CACNA2D3: variants seen among roughly 807,000 people sequenced by gnomAD.
CACNA2D3 encodes the protein voltage-dependent calcium channel subunit alpha-2/delta-3.
A neutral mutation model predicts 160.6 loss-of-function variants in CACNA2D3; 60 were observed. The ratio of observed to expected loss-of-function variants is 0.37; its 90% CI spans 0.30 to 0.46. The LOEUF (loss-of-function observed/expected upper bound fraction) is 0.46. Ranked by LOEUF, CACNA2D3 falls within the 20% of genes least tolerant of loss-of-function variation. The pLI, the probability that CACNA2D3 is intolerant of heterozygous loss-of-function variation, is 1.00. For synonymous variants in CACNA2D3, 558 were observed against 492.9 expected (o/e 1.13, Z -1.75); for missense variants, 1,205 against 1,365.0 (o/e 0.88, Z 1.85).
At chr3:54,521,447 C>T (rs954784072) in intron 5 of CACNA2D3, among the ~76,000 whole-genome samples, 11 of 151,968 alleles carry the variant, frequency 7.2e-5, no homozygotes, top group African/African-American at 2.4e-4. Context: ...ATACAAGTCC[C>T]TTATCAAGAG....
intron 17 of CACNA2D3, among the ~76,000 whole-genome samples, chr3:54,859,799 C>T (rs929178581): frequency 6.6e-6 from 1 of 152,108 alleles, no homozygotes; most frequent in African/African-American, 2.4e-5. Context: ...GGGCAAGGGC[C>T]TCTTGAGGAG....
chr3:54,500,504 T>TCTTCCTTCCTTCCTATCTTC lies in CACNA2D3; in HGVS notation c.382-2974_382-2973insATCTTCCTTCCTTCCTTCCT, dbSNP rs1559498619. Among the ~76,000 whole-genome samples, 748 of 102,040 alleles carry TCTTCCTTCCTTCCTATCTTC rather than the reference T, an allele frequency of 7.3e-3. 6 individuals carry two copies. The highest frequency in any genetic ancestry group is 0.016 in the East Asian group (59 of 3,636). 66.9% of individuals were successfully genotyped at this position (102,040 alleles called of 152,430 possible). ...TCCTTCCTATCTTCCTTCCTTCCTA[T>TCTTCCTTCCTTCCTATCTTC]CTTCCTTCCTTCCTTCCTTCCTTCC... On this transcript the variant is annotated intron_variant, in intron 4 of 37. Transcript: ENST00000474759.
intron 9 of CACNA2D3, among the ~76,000 whole-genome samples, chr3:54,598,307 CA>C (rs10656534): frequency 2.0e-3 from 101 of 49,828 alleles, no homozygotes; most frequent in African/African-American, 3.9e-3. Context: ...CTCCGTCTCA[CA>C]AAAAAAAAAA....
At chr3:54,939,393 C>T (rs1385358406) in intron 27 of CACNA2D3, among the ~76,000 whole-genome samples, 3 of 152,202 alleles carry the variant, frequency 2.0e-5, no homozygotes, top group African/African-American at 4.8e-5. Context: ...AACTACTCTG[C>T]GTTTTTATCT....
At chr3:54,627,952 G>A (rs1699158398) in intron 10 of CACNA2D3, 76 bp downstream of exon 10, 1 of 1,011,830 alleles carries the variant, frequency 9.9e-7, no homozygotes, top group African/African-American at 1.6e-5. Flanking sequence ...TGTGGGCCAG[G>A]CTGGGCGCTG....
intron 34 of CACNA2D3, among the ~76,000 whole-genome samples, chr3:55,017,815 C>T (rs1703359813): frequency 6.6e-6 from 1 of 152,166 alleles, no homozygotes; most frequent in Admixed American, 6.6e-5. Flanking sequence ...TAAAACCATG[C>T]AATTGTATCA....
At chr3:54,462,177 G>C (rs1302319233) in intron 4 of CACNA2D3, among the ~76,000 whole-genome samples, 1 of 152,178 alleles carries the variant, frequency 6.6e-6, no homozygotes, top group Non-Finnish European at 1.5e-5. Flanking sequence ...TACATTTGCT[G>C]AGGAGAGCTT....
Position 54,250,328 on chromosome 3 carries a change from T to A in CACNA2D3, c.205-70114T>A, listed in dbSNP as rs1393488000. Among the ~76,000 whole-genome samples, 4 of 152,316 alleles carry A rather than the reference T, an allele frequency of 2.6e-5. No individual in the cohort carries two copies. In the East Asian group the frequency reaches 7.7e-4, roughly 29 times the overall value. ...ACAAAAAAGTGATGATTATGTGAGGTAATGTCTGTTAAATGGCTTGATTTA... is the reference window on the plus strand; with the variant it reads ...ACAAAAAAGTGATGATTATGTGAGGAAATGTCTGTTAAATGGCTTGATTTA... On this transcript the variant is annotated intron_variant, in intron 2 of 37. Transcript: ENST00000474759.
At chr3:54,231,280 T>C (rs1701765774) in intron 2 of CACNA2D3, among the ~76,000 whole-genome samples, 1 of 152,206 alleles carries the variant, frequency 6.6e-6, no homozygotes, top group Admixed American at 6.5e-5. Flanking sequence ...TAGAAGTTCT[T>C]AAGCAGGAGT....
At position 54,310,347 on chromosome 3, in the gene CACNA2D3, G is replaced by A. The variant is rs7637106; in HGVS notation, c.205-10095G>A. Among the ~76,000 whole-genome samples the A allele has an allele frequency of 3.7e-3, 562 of 152,240 alleles. 4 individuals are homozygous for A. The highest frequency in any genetic ancestry group is 0.013 in the African/African-American group (528 of 41,532). Reference sequence around the variant, plus strand: ...GTGTTTTGAAGTGACACCTTTGTATGCAATAATTGGGTTAAGAGGAATACT... The same window carrying A: ...GTGTTTTGAAGTGACACCTTTGTATACAATAATTGGGTTAAGAGGAATACT... On this transcript the variant is annotated intron_variant, in intron 2 of 37. Transcript: ENST00000474759.
intron 11 of CACNA2D3, among the ~76,000 whole-genome samples, chr3:54,735,901 G>T (rs1701488241): frequency 7.0e-6 from 1 of 143,394 alleles, no homozygotes; most frequent in Non-Finnish European, 1.5e-5. Context: ...AAAGAAACAG[G>T]GATCACTTGT....
At chr3:54,369,204 C>T (rs561934032) in intron 3 of CACNA2D3, among the ~76,000 whole-genome samples, 4 of 151,872 alleles carry the variant, frequency 2.6e-5, no homozygotes, top group African/African-American at 9.7e-5. Context: ...TACAAAGGAG[C>T]ATTGTCCTCT....
chr3:54,218,512 T>C (rs1348344836), intron 2 of CACNA2D3, among the ~76,000 whole-genome samples: 2 of 152,276 alleles, frequency 1.3e-5, no homozygotes, highest in Admixed American at 1.3e-4. Flanking sequence ...TTCTGTTTTG[T>C]AACTTCTGTC....
rs150503661 is a variant in CACNA2D3, at chr3:54,561,606, A to G, written c.545-1194A>G. Among the ~76,000 whole-genome samples the G allele has an allele frequency of 2.6e-5, 4 of 152,216 alleles. No homozygotes were observed. In the East Asian group the frequency reaches 7.7e-4, roughly 29 times the overall value. ...CTGATTGCCCTGGCCAGGAATTCCA[A>G]TATTGTGTTGAATAGGAATTCACCC... On this transcript the variant is annotated intron_variant, in intron 5 of 37. Transcript: ENST00000474759.
At chr3:54,724,839 G>A (rs576835932) in intron 11 of CACNA2D3, among the ~76,000 whole-genome samples, 20 of 152,042 alleles carry the variant, frequency 1.3e-4, no homozygotes, top group East Asian at 3.9e-4. Flanking sequence ...AAATTGACAC[G>A]CTAATATCAA....
intron 2 of CACNA2D3, among the ~76,000 whole-genome samples, chr3:54,233,446 C>T (rs12631566): frequency 0.096 from 14,677 of 152,202 alleles, 886 homozygotes; most frequent in East Asian, 0.25. Context: ...ACAATTCATC[C>T]GAAGGCATAG....
chr3:54,259,054 T>TG (rs1702354820), intron 2 of CACNA2D3, among the ~76,000 whole-genome samples: 1 of 152,242 alleles, frequency 6.6e-6, no homozygotes, highest in African/African-American at 2.4e-5. Flanking sequence ...CATTTGATGC[T>TG]GGGGTCCCAT....
chr3:54,326,413 G>A (rs1471722435), intron 3 of CACNA2D3, among the ~76,000 whole-genome samples: 3 of 152,112 alleles, frequency 2.0e-5, no homozygotes, highest in Non-Finnish European at 2.9e-5. Context: ...AGTGAGGCAT[G>A]AAAAGCAGGA....
intron 4 of CACNA2D3, among the ~76,000 whole-genome samples, chr3:54,451,406 C>T (rs1439214976): frequency 4.0e-5 from 6 of 151,722 alleles, no homozygotes; most frequent in South Asian, 2.1e-4. Flanking sequence ...CACACCACCA[C>T]GCTCAGCTAA....
Sources: gnomAD v4.1 joint callset for allele counts (sites outside exome capture counted in the v4.1 genomes callset) on GRCh38, gnomAD v4.1.1 for gene constraint, MANE v1.5 for transcripts, NCBI Gene and HGNC (gene_info 2026-07-23, HGNC 2026-07-21) for gene names.